Variants in PTPRN2 observed in about 807,000 individuals in gnomAD.
PTPRN2 encodes the protein receptor-type tyrosine-protein phosphatase N2.
Under a neutral mutation model 118.8 loss-of-function variants are expected in PTPRN2, and 74 were observed. That is an observed-to-expected ratio of 0.62 (90% CI 0.52 to 0.76). The LOEUF (loss-of-function observed/expected upper bound fraction) is 0.76, where lower values mean the gene tolerates loss of function less well. Ranked by LOEUF, PTPRN2 falls within the 30% of genes least tolerant of loss-of-function variation. The probability of loss-of-function intolerance (pLI) is 0.00; values close to 1 mark genes in which losing one functional copy is unlikely to be tolerated. For synonymous variants in PTPRN2, 641 were observed against 608.0 expected, an observed-to-expected ratio of 1.05 and a Z score of -0.80; for missense variants, 1,481 against 1,394.4, an observed-to-expected ratio of 1.06 and a Z score of -0.99.
intron 12 of PTPRN2, among the ~76,000 whole-genome samples, chr7:157,817,838 C>T (rs1322724034): frequency 1.3e-5 from 2 of 151,116 alleles, no homozygotes; most frequent in Non-Finnish European, 3.0e-5. Flanking sequence ...GTGTGTGTAG[C>T]GTATGTGTGT....
chr7:158,004,224 G>A (rs566110062), intron 11 of PTPRN2, among the ~76,000 whole-genome samples: 6 of 152,160 alleles, frequency 3.9e-5, no homozygotes, highest in Non-Finnish European at 7.4e-5. Context: ...AGGGTCTAGG[G>A]GCCATCCTAG....
At chr7:158,428,142 G>A (rs1194063877) in intron 2 of PTPRN2, among the ~76,000 whole-genome samples, 2 of 152,342 alleles carry the variant, frequency 1.3e-5, no homozygotes, top group African/African-American at 2.4e-5. Context: ...AAGCCAATCC[G>A]AGTGTCTTTA....
At chr7:157,989,484 A>T (rs112457510) in intron 11 of PTPRN2, among the ~76,000 whole-genome samples, 42 of 148,980 alleles carry the variant, frequency 2.8e-4, no homozygotes, top group African/African-American at 9.5e-4. Context: ...AGGGGGTAAG[A>T]CTCAGAGGGC....
At chr7:157,760,525 G>T (rs1221189554) in intron 12 of PTPRN2, among the ~76,000 whole-genome samples, 7 of 151,962 alleles carry the variant, frequency 4.6e-5, no homozygotes, top group African/African-American at 1.7e-4. Flanking sequence ...AGTCCTTCCT[G>T]TCCTCTCCCT....
rs36170892 is a variant in PTPRN2 at position 158,326,732 on chromosome 7, TCACA to T, written c.164-9804_164-9801del. Among the ~76,000 whole-genome samples the T allele has an allele frequency of 4.7e-3, 686 of 144,722 alleles. 14 individuals are homozygous for T. The highest frequency in any genetic ancestry group is 7.0e-3 in the Non-Finnish European group (464 of 65,964). 94.9% of individuals were successfully genotyped at this position (144,722 alleles called of 152,430 possible). ...CACATGCTCTCACATGCATACATTC[TCACA>T]CACATGCACATTCTCACATGCACGT... On this transcript the variant is annotated intron_variant, in intron 2 of 22. Coordinates refer to ENST00000389418, the MANE Select transcript of PTPRN2 (RefSeq NM_002847.5).
chr7:158,395,197 G>C (rs1045961828), intron 2 of PTPRN2, among the ~76,000 whole-genome samples: 1 of 151,648 alleles, frequency 6.6e-6, no homozygotes, highest in Non-Finnish European at 1.5e-5. Flanking sequence ...TGCAGTACCC[G>C]AGCACGGCCG....
At chr7:158,581,611 C>A (rs1026218293) in intron 1 of PTPRN2, among the ~76,000 whole-genome samples, 3 of 152,206 alleles carry the variant, frequency 2.0e-5, no homozygotes, top group Non-Finnish European at 4.4e-5. Flanking sequence ...CCTGCCATGG[C>A]CTTGAATCAC....
chr7:157,658,941 C>T (rs1360957770), intron 13 of PTPRN2, among the ~76,000 whole-genome samples: 1 of 152,032 alleles, frequency 6.6e-6, no homozygotes, highest in Non-Finnish European at 1.5e-5. Flanking sequence ...GCGTCAAAGG[C>T]CTTGCACTCC....
chr7:157,581,301 CCA>C (rs1204510420), intron 17 of PTPRN2, among the ~76,000 whole-genome samples: 1 of 152,232 alleles, frequency 6.6e-6, no homozygotes, highest in Non-Finnish European at 1.5e-5. Context: ...CTGATACTCC[CCA>C]GTTTTACATA....
intron 1 of PTPRN2, among the ~76,000 whole-genome samples, chr7:158,522,641 A>T (rs189514408): frequency 4.6e-5 from 7 of 152,290 alleles, no homozygotes; most frequent in Admixed American, 2.0e-4. Flanking sequence ...CTGCGGCTAG[A>T]TGCAGTCTGT....
Position 158,227,243 on chromosome 7 carries a change from A to G in PTPRN2, c.278-21970T>C, listed in dbSNP as rs1441172886. Among the ~76,000 whole-genome samples the G allele has an allele frequency of 1.5e-4, 23 of 152,196 alleles. 1 individual carries two copies. The highest frequency in any genetic ancestry group is 1.4e-3 in the Admixed American group (22 of 15,282). On this transcript the variant is annotated intron_variant, in intron 3 of 22. Transcript: ENST00000389418. ...ACAATAAAAAAGAGGTGCTGAGCAG[A>G]GGAGCAAAATCGACAATAAAGACAG... is the stretch of plus-strand genomic sequence containing the variant.
At chr7:158,005,129 C>T (rs867290715) in intron 11 of PTPRN2, among the ~76,000 whole-genome samples, 1 of 150,300 alleles carries the variant, frequency 6.7e-6, no homozygotes, top group Middle Eastern at 3.4e-3. Flanking sequence ...GGCTGGAGTG[C>T]AATGGTGTGA....
chr7:157,769,938 T>G (rs1271858172), intron 12 of PTPRN2, among the ~76,000 whole-genome samples: 1 of 152,198 alleles, frequency 6.6e-6, no homozygotes. Context: ...GGCTGTGGCC[T>G]CTGGTGCAGG....
chr7:158,013,274 G>T (rs1806174202), intron 11 of PTPRN2, among the ~76,000 whole-genome samples: 1 of 152,204 alleles, frequency 6.6e-6, no homozygotes, highest in Non-Finnish European at 1.5e-5. Context: ...GCAGCTCCCT[G>T]CACAGACTTG....
At chr7:158,441,731 GTGA>G (rs1817286406) in intron 2 of PTPRN2, among the ~76,000 whole-genome samples, 1 of 151,182 alleles carries the variant, frequency 6.6e-6, no homozygotes, top group Admixed American at 6.6e-5. Flanking sequence ...GATAGCGATG[GTGA>G]TGGCAGTGGT....
intron 3 of PTPRN2, among the ~76,000 whole-genome samples, chr7:158,222,323 C>T (rs112369547): frequency 0.11 from 17,459 of 152,188 alleles, 1,282 homozygotes; most frequent in Non-Finnish European, 0.16. Context: ...TGGAATCAAC[C>T]TAGATACCCA....
intron 2 of PTPRN2, among the ~76,000 whole-genome samples, chr7:158,467,699 G>C (rs1340855122): frequency 6.6e-6 from 1 of 152,114 alleles, no homozygotes; most frequent in Non-Finnish European, 1.5e-5. Context: ...TAAAGAGACG[G>C]CTCTTACCCC....
In PTPRN2 at chr7:157,666,592, C is replaced by T. The variant is rs540926322; in HGVS notation, c.2002-10041G>A. 9.7e-4 allele frequency among the ~76,000 whole-genome samples: 147 copies of T among 152,204 alleles called. 1 individual carries two copies. In the South Asian group the frequency reaches 0.012, roughly 12 times the overall value. ...AGAGCTGAGATCTGCACGGTGTGGC[C>T]GTGTAAGGCAGAGGCTGAGGACCAG... On this transcript the variant is annotated intron_variant, in intron 13 of 22. Coordinates refer to ENST00000389418, the MANE Select transcript of PTPRN2 (RefSeq NM_002847.5).
chr7:158,051,066 G>T (rs995938203), intron 11 of PTPRN2, among the ~76,000 whole-genome samples: 2 of 152,244 alleles, frequency 1.3e-5, no homozygotes, highest in Non-Finnish European at 2.9e-5. Flanking sequence ...CAGAGATGTG[G>T]TGTGTACATC....
Sources: allele counts gnomAD v4.1 joint callset (sites outside exome capture counted in the v4.1 genomes callset), GRCh38; gene constraint gnomAD v4.1.1; transcripts MANE v1.5; gene names NCBI Gene and HGNC (gene_info 2026-07-23, HGNC 2026-07-21).